Variants in NDUFAF2 observed in about 807,000 individuals in gnomAD.
The protein encoded by NDUFAF2 is NADH dehydrogenase [ubiquinone] 1 alpha subcomplex assembly factor 2.
Under a neutral mutation model 22.8 loss-of-function variants are expected in NDUFAF2, and 13 were observed. That is an observed-to-expected ratio of 0.57 (90% confidence interval 0.37 to 0.91). The LOEUF (loss-of-function observed/expected upper bound fraction) is 0.91, where lower values mean the gene tolerates loss of function less well. Among genes scored for constraint, NDUFAF2 ranks in the 40% least tolerant of loss-of-function variants. The pLI, the probability that NDUFAF2 is intolerant of heterozygous loss-of-function variation, is 0.01. For synonymous variants in NDUFAF2, 53 were observed against 64.2 expected (o/e 0.83, Z 0.84); for missense variants, 162 against 195.2 (o/e 0.83, Z 1.01).
At position 60,958,739 on chromosome 5, in the gene NDUFAF2, A is replaced by C. The variant is rs1337753845; in HGVS notation, c.127+13357A>C. ...ACCACAGAAAATGGTTTTTCTGTTA[A>C]CTAGTTTTACAAAATCTTGAGACAG... On this transcript the variant is annotated intron_variant, in intron 1 of 3. Transcript: ENST00000296597. 2.0e-5 allele frequency among the ~76,000 whole-genome samples: 3 copies of C among 152,174 alleles called. No homozygotes were observed. In the East Asian group the frequency reaches 5.8e-4, roughly 29 times the overall value.
Position 60,958,607 on chromosome 5 carries a change from G to A in NDUFAF2, c.127+13225G>A, listed in dbSNP as rs574352640. ...CTGAATACTTAAATGTACTTTATAT[G>A]CATGTGCCTGGATATAAAGTAGATG... On this transcript the variant is annotated intron_variant, in intron 1 of 3. Transcript: ENST00000296597. 4.8e-4 allele frequency among the ~76,000 whole-genome samples: 73 copies of A among 152,122 alleles called. 3 individuals are homozygous for A. The South Asian group carries it at 0.015, about 31-fold the overall frequency.
intron 3 of NDUFAF2, among the ~76,000 whole-genome samples, chr5:61,103,036 CAGTT>C (rs1752721503): frequency 6.6e-6 from 1 of 152,110 alleles, no homozygotes; most frequent in Non-Finnish European, 1.5e-5. Context: ...TGAAAACTGA[CAGTT>C]TGTTATAAAA....
intron 1 of NDUFAF2, among the ~76,000 whole-genome samples, chr5:60,983,939 A>G (rs1343974067): frequency 6.6e-6 from 1 of 152,086 alleles, no homozygotes; most frequent in African/African-American, 2.4e-5. Context: ...CTGTAAAGAA[A>G]GTCATTGGTA....
At chr5:61,098,920 A>T in intron 2 of NDUFAF2, 72 bp from the exon 3 acceptor site, 6 of 1,290,932 alleles carry the variant, frequency 4.6e-6, no homozygotes, top group East Asian at 2.4e-5. Flanking sequence ...ACTCAAAAAA[A>T]TTTGTTTTAT....
intron 2 of NDUFAF2, among the ~76,000 whole-genome samples, chr5:61,076,177 T>G (rs1752367850): frequency 6.6e-6 from 1 of 152,076 alleles, no homozygotes; most frequent in African/African-American, 2.4e-5. Flanking sequence ...TTCACGCCAT[T>G]CTCCCGCCTC....
chr5:61,017,405 A>G (rs1478689821), intron 1 of NDUFAF2, among the ~76,000 whole-genome samples: 1 of 151,910 alleles, frequency 6.6e-6, no homozygotes, highest in East Asian at 1.9e-4. Flanking sequence ...TTTTTAATTA[A>G]TTGACTTTTG....
intron 1 of NDUFAF2, among the ~76,000 whole-genome samples, chr5:60,998,576 A>G (rs1314339028): frequency 1.3e-5 from 2 of 152,164 alleles, no homozygotes; most frequent in Non-Finnish European, 2.9e-5. Context: ...GTCTTTGGCT[A>G]TTAATGAATA....
At chr5:61,088,078 C>T (rs1752524938) in intron 2 of NDUFAF2, among the ~76,000 whole-genome samples, 1 of 152,020 alleles carries the variant, frequency 6.6e-6, no homozygotes, top group Admixed American at 6.6e-5. Context: ...TTGTTGGCAG[C>T]ATTCAGTTCA....
intron 3 of NDUFAF2, chr5:61,114,529 T>C (rs1005183526): frequency 6.6e-6 from 1 of 152,198 alleles, no homozygotes; most frequent in African/African-American, 2.4e-5. Context: ...TAGGATTCTT[T>C]ACTGGTGCTT....
At chr5:61,035,597 C>T (rs1469944240) in intron 1 of NDUFAF2, among the ~76,000 whole-genome samples, 4 of 152,008 alleles carry the variant, frequency 2.6e-5, no homozygotes, top group African/African-American at 9.7e-5. Flanking sequence ...AGAGCAGTCT[C>T]TTCTCTCCTT....
At chr5:61,030,890 A>G (rs1422664536) in intron 1 of NDUFAF2, among the ~76,000 whole-genome samples, 3 of 152,094 alleles carry the variant, frequency 2.0e-5, no homozygotes, top group Non-Finnish European at 1.5e-5. Flanking sequence ...GAACGTTGCT[A>G]TTTCCTGAAC....
intron 1 of NDUFAF2, among the ~76,000 whole-genome samples, chr5:60,949,333 A>G (rs1750509709): frequency 6.6e-6 from 1 of 152,174 alleles, no homozygotes; most frequent in Non-Finnish European, 1.5e-5. Context: ...GGCTTCTTCT[A>G]TTCAGCATAA....
intron 1 of NDUFAF2, among the ~76,000 whole-genome samples, chr5:61,071,439 C>T (rs1752298485): frequency 1.3e-5 from 2 of 152,312 alleles, no homozygotes; most frequent in South Asian, 4.1e-4. Flanking sequence ...AGAAATAAAA[C>T]CAGCCATTCA....
At chr5:61,076,341 T>C in intron 2 of NDUFAF2, among the ~76,000 whole-genome samples, 1 of 152,214 alleles carries the variant, frequency 6.6e-6, no homozygotes, top group East Asian at 1.9e-4. Context: ...CCCAAAGTGC[T>C]GGGATTACAG....
intron 1 of NDUFAF2, among the ~76,000 whole-genome samples, chr5:60,999,561 G>A (rs564576338): frequency 1.3e-5 from 2 of 152,132 alleles, no homozygotes; most frequent in South Asian, 4.2e-4. Context: ...GTTAGGGGAG[G>A]GAAGAAAACA....
At chr5:61,092,313 G>A (rs1752578812) in intron 2 of NDUFAF2, among the ~76,000 whole-genome samples, 1 of 152,050 alleles carries the variant, frequency 6.6e-6, no homozygotes. Flanking sequence ...TGGGCAGTAT[G>A]GCCATTTTAG....
At chr5:61,109,074 C>A (rs780523006) in intron 3 of NDUFAF2, among the ~76,000 whole-genome samples, 13 of 152,078 alleles carry the variant, frequency 8.5e-5, no homozygotes, top group Non-Finnish European at 1.3e-4. Flanking sequence ...AATATTTATT[C>A]TTCCAATTCA....
In NDUFAF2 at chr5:60,984,698, A is replaced by G. The variant is rs554611283; in HGVS notation, c.127+39316A>G. On this transcript the variant is annotated intron_variant, in intron 1 of 3. Transcript: ENST00000296597. ...TCTGTTTATATGCTGGATTACGTGT[A>G]TTGTTTTTTGTATGTTGAACCAGCC... Among the ~76,000 whole-genome samples, 10 of 152,260 alleles carry G rather than the reference A, an allele frequency of 6.6e-5. No individual in the cohort carries two copies. In the South Asian group the frequency reaches 2.1e-3, roughly 32 times the overall value.
chr5:61,072,659 C>T (rs751465099), intron 1 of NDUFAF2, among the ~76,000 whole-genome samples: 1 of 152,108 alleles, frequency 6.6e-6, no homozygotes, highest in African/African-American at 2.4e-5. Flanking sequence ...TGCAGTGGCT[C>T]GATCTCGGTT....
Sources: gnomAD v4.1 joint callset for allele counts (sites outside exome capture counted in the v4.1 genomes callset) on GRCh38, gnomAD v4.1.1 for gene constraint, MANE v1.5 for transcripts, NCBI Gene and HGNC (gene_info 2026-07-23, HGNC 2026-07-21) for gene names.